The following CDH2 variants were observed in gnomAD, a reference collection of about 807,000 sequenced individuals.
CDH2 encodes cadherin-2.
A neutral mutation model predicts 92.0 loss-of-function variants in CDH2; 17 were observed. The observed-to-expected ratio is 0.18, with a 90% CI of 0.13 to 0.28. CDH2 has a LOEUF of 0.28. Among genes scored for constraint, CDH2 ranks in the 10% least tolerant of loss-of-function variants. The pLI is 1.00. For missense variants in CDH2, 862 were observed against 1,133.1 expected, an observed-to-expected ratio of 0.76 and a Z score of 3.44; for synonymous variants, 419 against 415.9, an observed-to-expected ratio of 1.01 and a Z score of -0.09.
intron 2 of CDH2, among the ~76,000 whole-genome samples, chr18:28,130,662 C>T (rs1181805299): frequency 1.3e-5 from 2 of 152,194 alleles, no homozygotes; most frequent in Admixed American, 1.3e-4. Context: ...AGGCCTCTTC[C>T]AGGGAGCCCT....
chr18:28,088,798 G>C (rs1262235174), intron 2 of CDH2, among the ~76,000 whole-genome samples: 1 of 152,142 alleles, frequency 6.6e-6, no homozygotes, highest in African/African-American at 2.4e-5. Flanking sequence ...GCAAAAGATA[G>C]ACACCATACA....
intron 15 of CDH2, among the ~76,000 whole-genome samples, chr18:27,957,472 A>C (rs1272024921): frequency 6.6e-6 from 1 of 151,572 alleles, no homozygotes; most frequent in East Asian, 1.9e-4. Context: ...AGTCGGTCTC[A>C]AACTCCTAGG....
At chr18:27,997,684 C>T (rs1318333341) in intron 7 of CDH2, among the ~76,000 whole-genome samples, 1 of 152,076 alleles carries the variant, frequency 6.6e-6, no homozygotes, top group Non-Finnish European at 1.5e-5. Context: ...ATAGGAAATT[C>T]ATCATAAATC....
rs1490158306 is a variant in CDH2, at chr18:27,990,168, C to G, written c.1527G>C (p.Gly509=). The G allele has an allele frequency of 6.2e-7, 1 of 1,613,844 alleles. No individual in the cohort carries two copies. Among genetic ancestry groups the G allele is most frequent in the Non-Finnish European group, 8.5e-7 (1 of 1,179,884 alleles). ...PNPKIIRQEE[G]LHAGTMLTTF... ...TTGTCAACATGGTACCGGCATGAAGCCCTTCTTCTTGGCGAATGATCTTAG... is the reference window on the plus strand; with the variant it reads ...TTGTCAACATGGTACCGGCATGAAGGCCTTCTTCTTGGCGAATGATCTTAG... Residue 509 remains glycine, a synonymous_variant, in exon 10 of 16, where the codon GGG becomes GGC. Transcript: ENST00000269141.
intron 2 of CDH2, among the ~76,000 whole-genome samples, chr18:28,071,343 T>G (rs2014614217): frequency 6.6e-6 from 1 of 151,926 alleles, no homozygotes; most frequent in Admixed American, 6.6e-5. Context: ...AAAATGCAGG[T>G]GCGTACTAGT....
intron 7 of CDH2, among the ~76,000 whole-genome samples, chr18:28,001,280 T>C (rs534541143): frequency 1.3e-5 from 2 of 152,208 alleles, no homozygotes; most frequent in East Asian, 1.9e-4. Flanking sequence ...TGGTCTGTTT[T>C]AGTAAAAAGT....
chr18:27,992,180 A>G (rs2012436815), intron 9 of CDH2, among the ~76,000 whole-genome samples: 1 of 152,178 alleles, frequency 6.6e-6, no homozygotes, highest in Admixed American at 6.5e-5. Context: ...ATCTGCCAAT[A>G]TTCTAATAGC....
At chr18:28,063,643 T>C (rs772680040) in intron 2 of CDH2, among the ~76,000 whole-genome samples, 10 of 152,200 alleles carry the variant, frequency 6.6e-5, no homozygotes, top group Non-Finnish European at 1.0e-4. Flanking sequence ...AGGAGGCCCA[T>C]AGCTTCAGGA....
At chr18:28,104,190 T>C (rs534807943) in intron 2 of CDH2, among the ~76,000 whole-genome samples, 1 of 152,172 alleles carries the variant, frequency 6.6e-6, no homozygotes, top group Non-Finnish European at 1.5e-5. Flanking sequence ...AACACTCTTA[T>C]CAAAAATTTC....
intron 2 of CDH2, among the ~76,000 whole-genome samples, chr18:28,049,959 T>A (rs760699701): frequency 3.9e-5 from 6 of 152,148 alleles, no homozygotes; most frequent in Non-Finnish European, 7.4e-5. Context: ...AGTAAATGCT[T>A]GAAATGTGCC....
At chr18:28,005,730 G>T in intron 6 of CDH2, 119 bp downstream of exon 6, 2 of 635,356 alleles carry the variant, frequency 3.1e-6, no homozygotes, top group Admixed American at 2.9e-5. Context: ...AAAGCATTAT[G>T]AATGAAAGAA....
chr18:28,133,703 C>T (rs2015813641), intron 2 of CDH2, among the ~76,000 whole-genome samples: 1 of 151,454 alleles, frequency 6.6e-6, no homozygotes, highest in African/African-American at 2.4e-5. Context: ...CTTTCTAGTG[C>T]TTTCATATGC....
At chr18:27,963,322 A>T (rs769278059) in intron 15 of CDH2, 35 bp downstream of exon 15, 3 of 1,602,026 alleles carry the variant, frequency 1.9e-6, no homozygotes, top group Non-Finnish European at 2.6e-6. Flanking sequence ...CATGAAATGA[A>T]AACTCTTATA....
chr18:28,106,374 G>A (rs932880009), intron 2 of CDH2, among the ~76,000 whole-genome samples: 8 of 151,812 alleles, frequency 5.3e-5, no homozygotes, highest in African/African-American at 9.7e-5. Context: ...CCGAGATGGC[G>A]CTACTGCACT....
At chr18:28,121,064 C>T (rs962419288) in intron 2 of CDH2, among the ~76,000 whole-genome samples, 5 of 152,132 alleles carry the variant, frequency 3.3e-5, no homozygotes, top group African/African-American at 7.2e-5. Flanking sequence ...TTATTCTGTG[C>T]GGTTTCACAT....
At chr18:27,966,520 A>T (rs1316147345) in intron 14 of CDH2, among the ~76,000 whole-genome samples, 1 of 152,192 alleles carries the variant, frequency 6.6e-6, no homozygotes, top group Non-Finnish European at 1.5e-5. Flanking sequence ...TTGCATTTTG[A>T]TTGGCTAGCA....
At chr18:28,176,506 C>G (rs2016544496) in intron 1 of CDH2, among the ~76,000 whole-genome samples, 1 of 152,124 alleles carries the variant, frequency 6.6e-6, no homozygotes, top group Non-Finnish European at 1.5e-5. Context: ...AGGCAAGTCC[C>G]GTAACTAAGA....
At chr18:27,956,446 A>G (rs1429059160) in intron 15 of CDH2, among the ~76,000 whole-genome samples, 5 of 152,156 alleles carry the variant, frequency 3.3e-5, no homozygotes, top group African/African-American at 1.2e-4. Context: ...GAGGATAAAA[A>G]CCCACATTAT....
Position 27,952,109 on chromosome 18 carries a change from T to A in CDH2, c.*44A>T, listed in dbSNP as rs752993150. On this transcript the variant is annotated 3_prime_UTR_variant, in exon 16 of 16. Transcript: ENST00000269141. ...CTGAATGCTTTTTGGGAATATCAGTTGAAATTGTTTGTACTTGTCCAAAAA... is the reference window on the plus strand; with the variant it reads ...CTGAATGCTTTTTGGGAATATCAGTAGAAATTGTTTGTACTTGTCCAAAAA... 6.7e-7 allele frequency: 1 copy of A among 1,496,826 alleles called. No individual in the cohort carries two copies. Among genetic ancestry groups the A allele is most frequent in the Admixed American group, 1.7e-5 (1 of 59,776 alleles). 92.7% of individuals were successfully genotyped at this position (1,496,826 alleles called of 1,614,324 possible). A position where few individuals can be genotyped will look rare whatever the true frequency, so the allele number is the denominator to read the frequency against.
Sources: allele counts gnomAD v4.1 joint callset (sites outside exome capture counted in the v4.1 genomes callset), GRCh38; gene constraint gnomAD v4.1.1; transcripts MANE v1.5; gene names NCBI Gene and HGNC (gene_info 2026-07-23, HGNC 2026-07-21).